The following CSNK2A2IP variants were observed in gnomAD, a reference collection of about 807,000 sequenced individuals.
CSNK2A2IP encodes casein kinase II subunit alpha'-interacting protein.
the CSNK2A2IP span, among the ~76,000 whole-genome samples, chr3:88,346,573 A>G: frequency 6.6e-6 from 1 of 152,028 alleles, no homozygotes; most frequent in Non-Finnish European, 1.5e-5. Context: ...TAGAAATGGA[A>G]CAACAAAGAA....
At chr3:88,349,424 C>A in the CSNK2A2IP span, among the ~76,000 whole-genome samples, 1 of 152,062 alleles carries the variant, frequency 6.6e-6, no homozygotes, top group Non-Finnish European at 1.5e-5. Context: ...CTTAGAATAA[C>A]GGCTTCCAGT....
At chr3:88,364,258 C>A in the CSNK2A2IP span, among the ~76,000 whole-genome samples, 1 of 152,014 alleles carries the variant, frequency 6.6e-6, no homozygotes, top group Non-Finnish European at 1.5e-5. Context: ...TGAAAAACAT[C>A]ATTTTATATG....
At chr3:88,437,570 C>T in the CSNK2A2IP span, among the ~76,000 whole-genome samples, 1 of 152,072 alleles carries the variant, frequency 6.6e-6, no homozygotes, top group African/African-American at 2.4e-5. Context: ...CTGTTGTATG[C>T]CTGCTATATA....
At chr3:88,450,225 T>C in the CSNK2A2IP span, among the ~76,000 whole-genome samples, 1 of 152,070 alleles carries the variant, frequency 6.6e-6, no homozygotes. Flanking sequence ...CAACATGATG[T>C]TATAGGAAAC....
chr3:88,429,368 T>C, the CSNK2A2IP span, among the ~76,000 whole-genome samples: 1 of 152,190 alleles, frequency 6.6e-6, no homozygotes, highest in Admixed American at 6.5e-5. Flanking sequence ...ACAGCACATA[T>C]TTAAGGTATC....
chr3:88,382,925 A>T, the CSNK2A2IP span: 3 of 152,162 alleles, frequency 2.0e-5, no homozygotes, highest in Non-Finnish European at 4.4e-5. Context: ...TATTAGAGTG[A>T]ATTGTTTGAA....
chr3:88,382,612 A>T, the CSNK2A2IP span: 1 of 152,248 alleles, frequency 6.6e-6, no homozygotes, highest in East Asian at 1.9e-4. Context: ...TTTTTCCATC[A>T]AGAAAATATT....
chr3:88,343,842 T>C, the CSNK2A2IP span, among the ~76,000 whole-genome samples: 1 of 151,924 alleles, frequency 6.6e-6, no homozygotes, highest in Non-Finnish European at 1.5e-5. Flanking sequence ...TCTTCAAAGC[T>C]AACTTGATTA....
At chr3:88,371,595 A>T in the CSNK2A2IP span, among the ~76,000 whole-genome samples, 5 of 151,842 alleles carry the variant, frequency 3.3e-5, no homozygotes, top group Non-Finnish European at 7.4e-5. Context: ...GCGTAATTGG[A>T]GTCAAAAAGG....
the CSNK2A2IP span, chr3:88,465,139 G>A: frequency 1.0e-5 from 4 of 381,248 alleles, no homozygotes; most frequent in East Asian, 1.5e-4. Context: ...AAATACTGAA[G>A]ATAATCTCAA....
At chr3:88,387,493 C>G in the CSNK2A2IP span, among the ~76,000 whole-genome samples, 1 of 152,122 alleles carries the variant, frequency 6.6e-6, no homozygotes, top group Non-Finnish European at 1.5e-5. Context: ...ACTAATCTAT[C>G]TTCCTTACAG....
chr3:88,342,517 C>T, the CSNK2A2IP span, among the ~76,000 whole-genome samples: 2 of 151,956 alleles, frequency 1.3e-5, no homozygotes, highest in Admixed American at 6.6e-5. Context: ...GCTGGTGTCT[C>T]TCTTGAATCT....
chr3:88,462,827 C>T, the CSNK2A2IP span, among the ~76,000 whole-genome samples: 505 of 152,048 alleles, frequency 3.3e-3, 3 homozygotes, highest in African/African-American at 0.011. Context: ...TTTTGGATAA[C>T]GAAGCTTGAT....
At chr3:88,441,351 T>C in the CSNK2A2IP span, among the ~76,000 whole-genome samples, 2 of 152,178 alleles carry the variant, frequency 1.3e-5, no homozygotes, top group Non-Finnish European at 2.9e-5. Context: ...AAAGTTTTAT[T>C]ACTGTGGGAA....
the CSNK2A2IP span, among the ~76,000 whole-genome samples, chr3:88,361,294 G>A: frequency 1.1e-4 from 16 of 151,990 alleles, no homozygotes; most frequent in South Asian, 2.1e-4. Context: ...TGTAAGATAG[G>A]GCTGGTTTTG....
At chr3:88,344,204 A>ACAAAC in the CSNK2A2IP span, among the ~76,000 whole-genome samples, 60 of 144,776 alleles carry the variant, frequency 4.1e-4, no homozygotes, top group Admixed American at 3.8e-3. Flanking sequence ...CCTTCCTTTT[A>ACAAAC]CAAACTGTTA....
the CSNK2A2IP span, among the ~76,000 whole-genome samples, chr3:88,442,218 T>C: frequency 1.3e-5 from 2 of 152,164 alleles, no homozygotes; most frequent in African/African-American, 4.8e-5. Flanking sequence ...AAATTTTTTC[T>C]TTTTAGTGAC....
At chr3:88,436,425 G>A in the CSNK2A2IP span, among the ~76,000 whole-genome samples, 2 of 151,932 alleles carry the variant, frequency 1.3e-5, no homozygotes, top group Non-Finnish European at 2.9e-5. Flanking sequence ...AATTTTTTTT[G>A]TAAGAAATGT....
the CSNK2A2IP span, among the ~76,000 whole-genome samples, chr3:88,393,016 TA>T: frequency 2.6e-5 from 4 of 152,104 alleles, no homozygotes; most frequent in African/African-American, 9.7e-5. Flanking sequence ...TTGAAAGGGA[TA>T]AAAGGGATTT....
Sources: allele counts gnomAD v4.1 joint callset (sites outside exome capture counted in the v4.1 genomes callset), GRCh38; gene constraint gnomAD v4.1.1; transcripts MANE v1.5; gene names NCBI Gene and HGNC (gene_info 2026-07-23, HGNC 2026-07-21).